CCL26: variants seen among roughly 807,000 people sequenced by gnomAD.
The protein encoded by CCL26 is C-C motif chemokine 26.
In CCL26, 10 loss-of-function variants were observed where a neutral mutation model predicts 10.7. That is an observed-to-expected ratio of 0.93 (90% CI 0.57 to 1.58). The LOEUF is 1.58. Ranked by LOEUF, CCL26 falls within the 40% of genes most tolerant of loss-of-function variation. CCL26 has a pLI of 0.00. For missense variants in CCL26, 116 were observed against 111.0 expected, an observed-to-expected ratio of 1.05 and a Z score of -0.20; for synonymous variants, 43 against 41.4, an observed-to-expected ratio of 1.04 and a Z score of -0.15.
intron 1 of CCL26, among the ~76,000 whole-genome samples, chr7:75,786,330 G>C (rs531225998): frequency 6.6e-6 from 1 of 152,288 alleles, no homozygotes; most frequent in African/African-American, 2.4e-5. Context: ...AAAAAAGGCA[G>C]GCTATGCTAT....
intron 1 of CCL26, among the ~76,000 whole-genome samples, chr7:75,780,819 C>T (rs1461322510): frequency 6.6e-6 from 1 of 152,120 alleles, no homozygotes; most frequent in Non-Finnish European, 1.5e-5. Context: ...CGAGCCAGGT[C>T]CCAGTTTTTC....
upstream of CCL26, among the ~76,000 whole-genome samples, chr7:75,791,491 C>T (rs1187913483): frequency 2.0e-5 from 3 of 152,092 alleles, no homozygotes; most frequent in Admixed American, 6.6e-5. Context: ...TCCTGGGCTC[C>T]AGATTCCTCT....
upstream of CCL26, among the ~76,000 whole-genome samples, chr7:75,774,477 T>C (rs1554528511): frequency 6.6e-6 from 1 of 151,798 alleles, no homozygotes; most frequent in Non-Finnish European, 1.5e-5. Flanking sequence ...GACAGAGTCT[T>C]GCTCTGTCAT....
At chr7:75,786,179 A>G (rs1803180748) in intron 1 of CCL26, among the ~76,000 whole-genome samples, 1 of 152,094 alleles carries the variant, frequency 6.6e-6, no homozygotes, top group African/African-American at 2.4e-5. Flanking sequence ...TTCCAGATAC[A>G]ACACCTGACT....
chr7:75,783,651 G>C (rs921929245), intron 1 of CCL26, among the ~76,000 whole-genome samples: 11 of 152,178 alleles, frequency 7.2e-5, no homozygotes, highest in Admixed American at 5.9e-4. Context: ...GCCAGGAGTG[G>C]TGGCAGGCGC....
At chr7:75,775,181 T>C (rs984511246), upstream of CCL26, among the ~76,000 whole-genome samples, 2 of 151,882 alleles carry the variant, frequency 1.3e-5, no homozygotes, top group Non-Finnish European at 2.9e-5. Context: ...ATCACGCCAC[T>C]GCACTCCAGC....
intron 1 of CCL26, among the ~76,000 whole-genome samples, chr7:75,788,215 C>G (rs1419759312): frequency 1.3e-5 from 2 of 152,148 alleles, no homozygotes; most frequent in African/African-American, 4.8e-5. Flanking sequence ...GTGACCTGCA[C>G]GTATACATCC....
chr7:75,787,822 A>G (rs1554530192), intron 1 of CCL26, among the ~76,000 whole-genome samples: 1 of 151,936 alleles, frequency 6.6e-6, no homozygotes, highest in African/African-American at 2.4e-5. Flanking sequence ...GGTCCTCCCA[A>G]TTCTTAGTCC....
upstream of CCL26, among the ~76,000 whole-genome samples, chr7:75,790,939 C>CA (rs55689210): frequency 1.4e-3 from 177 of 128,358 alleles, no homozygotes; most frequent in African/African-American, 1.6e-3. Context: ...GACTCCATTT[C>CA]AAAAAAAAAA....
chr7:75,777,186 T>G (rs781951705), upstream of CCL26, among the ~76,000 whole-genome samples: 23 of 152,058 alleles, frequency 1.5e-4, no homozygotes, highest in Non-Finnish European at 1.0e-4. Context: ...GAGCCGAGAT[T>G]GCACCACTGC....
chr7:75,779,944 A>G (rs1469986956), intron 1 of CCL26, among the ~76,000 whole-genome samples: 4 of 120,660 alleles, frequency 3.3e-5, no homozygotes, highest in South Asian at 2.7e-4. Context: ...CCTTCTGTCC[A>G]TGTCTCTACC....
At chr7:75,777,461 A>C (rs191098047) in intron 1 of CCL26, among the ~76,000 whole-genome samples, 6 of 152,178 alleles carry the variant, frequency 3.9e-5, no homozygotes, top group Admixed American at 2.0e-4. Context: ...AAAAAGTCAG[A>C]TATAAGCCAG....
At position 75,771,994 on chromosome 7, in the gene CCL26, T is replaced by C; in HGVS notation, c.83A>G (p.Asp28Gly). Residue 28 changes from aspartate to glycine, a missense_variant, in exon 2 of 3, where the codon GAC (aspartate) becomes GGC (glycine). Coordinates refer to ENST00000005180, the MANE Select transcript of CCL26 (RefSeq NM_001371938.1). ...TTGGAAGCAGCAGGTCTTGGATATG[T>C]CACTCCCACCTAAAAATCAGGGAGA... ...LHLGTATRGS[D>G]ISKTCCFQYS... 1 of 1,613,274 alleles carries C rather than the reference T, an allele frequency of 6.2e-7. No individual in the cohort carries two copies. Among genetic ancestry groups the C allele is most frequent in the Non-Finnish European group, 8.5e-7 (1 of 1,179,188 alleles).
chr7:75,780,907 C>G (rs1554529359), intron 1 of CCL26, among the ~76,000 whole-genome samples: 1 of 152,168 alleles, frequency 6.6e-6, no homozygotes, highest in Non-Finnish European at 1.5e-5. Flanking sequence ...CAGTTTCGTT[C>G]CATGACTAGC....
At chr7:75,788,576 T>C (rs1803254070) in intron 1 of CCL26, among the ~76,000 whole-genome samples, 1 of 151,996 alleles carries the variant, frequency 6.6e-6, no homozygotes, top group South Asian at 2.1e-4. Context: ...CCATCTCTAC[T>C]AAAAGTACTA....
intron 1 of CCL26, among the ~76,000 whole-genome samples, chr7:75,783,604 G>A (rs915022286): frequency 5.3e-5 from 8 of 151,540 alleles, no homozygotes; most frequent in African/African-American, 1.5e-4. Context: ...TCGAGACTAC[G>A]GTGAAACCCC....
chr7:75,783,411 A>T (rs1201675155), intron 1 of CCL26, among the ~76,000 whole-genome samples: 1 of 152,172 alleles, frequency 6.6e-6, no homozygotes, highest in East Asian at 1.9e-4. Context: ...TATCAGGCTG[A>T]TTCCCCAGGT....
chr7:75,770,583 G>A lies in CCL26; in HGVS notation c.189-794C>T, dbSNP rs1018143490. 2.6e-5 allele frequency among the ~76,000 whole-genome samples: 4 copies of A among 151,842 alleles called. No individual in the cohort carries two copies. The East Asian group carries it at 7.8e-4, about 30-fold the overall frequency. On this transcript the variant is annotated intron_variant, in intron 2 of 2. Transcript: ENST00000005180. Reference sequence around the variant, plus strand: ...TTTAGTAGAGACAGGGTTTCTCCACGTTGGTCAGGCTGGTCTCGAACTCCC... The same window carrying A: ...TTTAGTAGAGACAGGGTTTCTCCACATTGGTCAGGCTGGTCTCGAACTCCC...
upstream of CCL26, among the ~76,000 whole-genome samples, chr7:75,775,958 C>CA (rs1802929000): frequency 2.0e-5 from 3 of 151,652 alleles, no homozygotes; most frequent in South Asian, 6.3e-4. Context: ...CACCACCCTC[C>CA]ATGGCCTTCT....
Sources: allele counts gnomAD v4.1 joint callset (sites outside exome capture counted in the v4.1 genomes callset), GRCh38; gene constraint gnomAD v4.1.1; transcripts MANE v1.5; gene names NCBI Gene and HGNC (gene_info 2026-07-23, HGNC 2026-07-21).